Variants in ENY2 observed in about 807,000 individuals in gnomAD.
The protein encoded by ENY2 is ENY2 transcription and export complex 2 subunit.
ENY2 carries 4 observed loss-of-function variants against 15.9 expected under a neutral mutation model. The observed-to-expected ratio is 0.25, with a 90% CI of 0.12 to 0.57. ENY2 has a LOEUF of 0.57. Among genes scored for constraint, ENY2 ranks in the 20% least tolerant of loss-of-function variants. The pLI, the probability that ENY2 is intolerant of heterozygous loss-of-function variation, is 0.91. For missense variants in ENY2, 54 were observed against 117.2 expected (o/e 0.46, Z 2.49); for synonymous variants, 48 against 38.0 (o/e 1.26, Z -0.97).
At chr8:109,334,506 A>ACCCGGGC (rs760377213) in intron 1 of ENY2, 32 bp downstream of exon 1, 3 of 1,608,786 alleles carry the variant, frequency 1.9e-6, no homozygotes, top group Non-Finnish European at 2.5e-6. Context: ...CAGGGCCGGG[A>ACCCGGGC]CCCGGGCCCA....
chr8:109,339,700 T>G (rs1816073088), intron 3 of ENY2: 1 of 249,516 alleles, frequency 4.0e-6, no homozygotes. Context: ...GTTGGCAGAC[T>G]TATAGAAATT....
intron 4 of ENY2, chr8:109,340,889 A>T: frequency 5.0e-6 from 1 of 198,916 alleles, no homozygotes. Flanking sequence ...ATATGGCATG[A>T]CTCCACTTAA....
chr8:109,335,465 C>G (rs1202673086), intron 1 of ENY2: 3 of 150,208 alleles, frequency 2.0e-5, no homozygotes, highest in Non-Finnish European at 4.4e-5. Flanking sequence ...TGGGTTCAAG[C>G]GATTCTCCTG....
At chr8:109,337,463 A>G (rs1483061948) in intron 2 of ENY2, among the ~76,000 whole-genome samples, 1 of 152,146 alleles carries the variant, frequency 6.6e-6, no homozygotes, top group African/African-American at 2.4e-5. Context: ...GTAGACAAAA[A>G]TGGAGACTTT....
Position 109,334,360 on chromosome 8 carries a change from C to T in ENY2, c.-109C>T. On this transcript the variant is annotated 5_prime_UTR_variant, in exon 1 of 5. Transcript: ENST00000521688. ...TTCTAGCTTTCTGTGTGCTTAGGTG[C>T]CCGAGCTACTGAGGGTCTAAGTCCG... 2.0e-6 allele frequency: 3 copies of T among 1,518,164 alleles called. No homozygotes were observed. Among genetic ancestry groups the T allele is most frequent in the Non-Finnish European group, 2.7e-6 (3 of 1,103,352 alleles). 94.0% of individuals were successfully genotyped at this position (1,518,164 alleles called of 1,614,324 possible).
intron 2 of ENY2, chr8:109,338,435 G>A (rs1207263166): frequency 6.6e-6 from 1 of 152,156 alleles, no homozygotes; most frequent in Non-Finnish European, 1.5e-5. Context: ...CAAACAGGAT[G>A]AATTGGTAGA....
At chr8:109,342,591 C>T (rs1362996746) in intron 4 of ENY2, 5 of 620,822 alleles carry the variant, frequency 8.1e-6, no homozygotes, top group Non-Finnish European at 1.4e-5. Flanking sequence ...CTCACTAGCC[C>T]GGATCTCCCA....
In ENY2 at chr8:109,343,501, GT is replaced by G. The variant is rs779441818; in HGVS notation, c.*22del. 14 of 1,586,488 alleles carry G rather than the reference GT, an allele frequency of 8.8e-6. No homozygotes were observed. The highest frequency in any genetic ancestry group is 1.1e-5 in the Non-Finnish European group (13 of 1,170,028). On this transcript the variant is annotated 3_prime_UTR_variant, in exon 5 of 5. Coordinates refer to ENST00000521688, the MANE Select transcript of ENY2 (RefSeq NM_020189.6). ...CTTTAAGATTGAATTAGATTGTGTT[GT>G]TGTGGTTTTATTTCTGAAAGTAAAA...
intron 4 of ENY2, among the ~76,000 whole-genome samples, chr8:109,342,205 A>C (rs1816132333): frequency 1.4e-5 from 2 of 146,212 alleles, no homozygotes; most frequent in African/African-American, 5.0e-5. Flanking sequence ...TTCTGAATAG[A>C]TAATAGTCAA....
rs750861523 is a variant in ENY2, at chr8:109,334,451, C to T, written c.-18C>T. On this transcript the variant is annotated 5_prime_UTR_variant, in exon 1 of 5. The change creates a new upstream start codon in the 5' untranslated region. Transcript: ENST00000521688. ...GGGTCATTTCGTCGCTGGGAAGGGACGGCCCTCGCCCGCGGTGATGGTGGT... is the reference window on the plus strand; with the variant it reads ...GGGTCATTTCGTCGCTGGGAAGGGATGGCCCTCGCCCGCGGTGATGGTGGT... The T allele has an allele frequency of 1.2e-6, 2 of 1,613,854 alleles. No homozygotes were observed. Among genetic ancestry groups the T allele is most frequent in the East Asian group, 2.2e-5 (1 of 44,856 alleles).
intron 2 of ENY2, 25 bp downstream of exon 2, chr8:109,336,229 A>G (rs1554619722): frequency 7.0e-6 from 11 of 1,580,170 alleles, no homozygotes; most frequent in Non-Finnish European, 7.8e-6. Flanking sequence ...GTGTTAATAA[A>G]TTACATTTCA....
In ENY2 at chr8:109,345,910, A is replaced by G. The variant is rs1816235432; in HGVS notation, c.*2429A>G. ...AACTTACAAATGTTCTCTAGTTTGT[A>G]TCTAGAATCACTTATATCTTTCAAA... is the stretch of plus-strand genomic sequence containing the variant. On this transcript the variant is annotated 3_prime_UTR_variant, in exon 5 of 5. Coordinates refer to ENST00000521688, the MANE Select transcript of ENY2 (RefSeq NM_020189.6). 1 of 152,186 alleles carries G rather than the reference A, an allele frequency of 6.6e-6. No homozygotes were observed. The highest frequency in any genetic ancestry group is 1.5e-5 in the Non-Finnish European group (1 of 68,010). 9.4% of individuals were successfully genotyped at this position (152,186 alleles called of 1,614,324 possible).
chr8:109,339,428 T>C, intron 3 of ENY2, 38 bp downstream of exon 3: 2 of 1,577,562 alleles, frequency 1.3e-6, no homozygotes, highest in Non-Finnish European at 1.7e-6. Flanking sequence ...TAATCCCATT[T>C]TTCTGATCAG....
At chr8:109,340,690 T>A in intron 4 of ENY2, 127 bp downstream of exon 4, 1 of 1,212,812 alleles carries the variant, frequency 8.2e-7, no homozygotes, top group Admixed American at 2.6e-5. Context: ...TTGTAAAGAG[T>A]TAAAATTGCC....
At chr8:109,336,333 G>A (rs1189644858) in intron 2 of ENY2, 129 bp downstream of exon 2, 4 of 811,806 alleles carry the variant, frequency 4.9e-6, no homozygotes, top group South Asian at 3.8e-5. Flanking sequence ...TTTCTATTCC[G>A]AACATCTGGA....
At chr8:109,341,631 C>A (rs1816114160) in intron 4 of ENY2, among the ~76,000 whole-genome samples, 1 of 152,068 alleles carries the variant, frequency 6.6e-6, no homozygotes, top group Non-Finnish European at 1.5e-5. Flanking sequence ...TTGGACATTT[C>A]AATGTCTTGT....
intron 4 of ENY2, 112 bp from the exon 5 acceptor site, chr8:109,343,293 G>C: frequency 1.4e-6 from 1 of 732,120 alleles, no homozygotes; most frequent in South Asian, 2.4e-5. Context: ...TTGAACATGA[G>C]GGTTATTTAT....
intron 2 of ENY2, among the ~76,000 whole-genome samples, chr8:109,337,312 T>A (rs981891008): frequency 1.3e-5 from 2 of 151,906 alleles, no homozygotes; most frequent in African/African-American, 4.8e-5. Flanking sequence ...CTTGGGTAGC[T>A]TTAGAGGATA....
At position 109,334,757 on chromosome 8, in the gene ENY2, C is replaced by G. The variant is rs766562136; in HGVS notation, c.6+283C>G. The G allele has an allele frequency of 6.7e-4, 337 of 504,640 alleles. 1 individual carries two copies. Among genetic ancestry groups the G allele is most frequent in the Non-Finnish European group, 8.9e-4 (257 of 287,152 alleles). 31.3% of individuals were successfully genotyped at this position (504,640 alleles called of 1,614,324 possible). A position where few individuals can be genotyped will look rare whatever the true frequency, so the allele number is the denominator to read the frequency against. ...GTTTTACCAGTGAGAAAACTGAGGC[C>G]TTTAAGAATTAAGTGACTTGTCCAA... On this transcript the variant is annotated intron_variant, in intron 1 of 4. Transcript: ENST00000521688.
Sources: allele counts gnomAD v4.1 joint callset (sites outside exome capture counted in the v4.1 genomes callset), GRCh38; gene constraint gnomAD v4.1.1; transcripts MANE v1.5; gene names NCBI Gene and HGNC (gene_info 2026-07-23, HGNC 2026-07-21).